KCNAB1: variants seen among roughly 807,000 people sequenced by gnomAD.
KCNAB1 encodes the protein voltage-gated potassium channel subunit beta-1.
In KCNAB1, 35 loss-of-function variants were observed where a neutral mutation model predicts 64.6. The ratio of observed to expected loss-of-function variants is 0.54; its 90% confidence interval spans 0.41 to 0.72. The LOEUF is 0.72. Ranked by LOEUF, KCNAB1 falls within the 30% of genes least tolerant of loss-of-function variation. The probability of loss-of-function intolerance (pLI) is 0.00; values close to 1 mark genes in which losing one functional copy is unlikely to be tolerated. For synonymous variants in KCNAB1, 177 were observed against 183.8 expected (o/e 0.96, Z 0.30); for missense variants, 401 against 512.9 (o/e 0.78, Z 2.11).
chr3:156,149,695 C>T (rs1486736157), intron 1 of KCNAB1, among the ~76,000 whole-genome samples: 1 of 152,164 alleles, frequency 6.6e-6, no homozygotes, highest in Non-Finnish European at 1.5e-5. Context: ...GCCATCCTCT[C>T]AAAGAGGCAT....
At chr3:156,255,563 C>T (rs527257525) in intron 1 of KCNAB1, among the ~76,000 whole-genome samples, 1 of 152,258 alleles carries the variant, frequency 6.6e-6, no homozygotes, top group South Asian at 2.1e-4. Flanking sequence ...TTACCACTCC[C>T]TCGGAATGCC....
chr3:156,469,731 G>A lies in KCNAB1; in HGVS notation c.571+4045G>A, dbSNP rs1381074878. Among the ~76,000 whole-genome samples the A allele has an allele frequency of 2.6e-5, 4 of 152,128 alleles. No individual in the cohort carries two copies. In the South Asian group the frequency reaches 6.2e-4, roughly 24 times the overall value. On this transcript the variant is annotated intron_variant, in intron 7 of 13. Transcript: ENST00000490337. ...TTGTTATTATGTTGGTGGTGGTGGT[G>A]TTATTTTACAGTCCATAGTTTCTGC...
chr3:156,528,064 C>T (rs1228796091), intron 12 of KCNAB1, among the ~76,000 whole-genome samples: 1 of 151,734 alleles, frequency 6.6e-6, no homozygotes, highest in African/African-American at 2.4e-5. Context: ...TTGGTGACCT[C>T]GAGTAGTCAG....
intron 1 of KCNAB1, among the ~76,000 whole-genome samples, chr3:156,292,725 TAGAAA>T (rs1720521123): frequency 6.6e-6 from 1 of 152,166 alleles, no homozygotes. Context: ...ATGTTTTTAA[TAGAAA>T]AGAGCTTTCA....
chr3:156,294,428 T>G (rs913649029), intron 1 of KCNAB1, among the ~76,000 whole-genome samples: 1 of 152,170 alleles, frequency 6.6e-6, no homozygotes, highest in Non-Finnish European at 1.5e-5. Flanking sequence ...CTGAGTGACC[T>G]TTATGAAGGA....
chr3:156,179,054 T>C (rs1167649298), intron 1 of KCNAB1, among the ~76,000 whole-genome samples: 2 of 151,166 alleles, frequency 1.3e-5, no homozygotes, highest in South Asian at 4.2e-4. Flanking sequence ...TAAGTAATTG[T>C]AATGAGCATG....
chr3:156,304,260 G>T (rs1322652483), intron 1 of KCNAB1, among the ~76,000 whole-genome samples: 1 of 152,136 alleles, frequency 6.6e-6, no homozygotes, highest in Non-Finnish European at 1.5e-5. Flanking sequence ...AACATTCTTT[G>T]CCAGTAAAAT....
intron 1 of KCNAB1, among the ~76,000 whole-genome samples, chr3:156,407,608 C>T (rs1714334340): frequency 6.6e-6 from 1 of 152,200 alleles, no homozygotes; most frequent in Non-Finnish European, 1.5e-5. Context: ...GTCCTTAGCT[C>T]CTTGCTCATA....
At chr3:156,296,011 T>A (rs933830516) in intron 1 of KCNAB1, among the ~76,000 whole-genome samples, 2 of 152,240 alleles carry the variant, frequency 1.3e-5, no homozygotes, top group African/African-American at 2.4e-5. Flanking sequence ...ATCATTTCAC[T>A]CTCAGAGTTT....
chr3:156,282,379 C>T (rs1330329488), intron 1 of KCNAB1, among the ~76,000 whole-genome samples: 2 of 138,958 alleles, frequency 1.4e-5, no homozygotes, highest in East Asian at 4.4e-4. Context: ...GAGAGCTTTA[C>T]TTCCAAGTAT....
chr3:156,345,185 G>A (rs1171492577), intron 1 of KCNAB1, among the ~76,000 whole-genome samples: 4 of 152,192 alleles, frequency 2.6e-5, no homozygotes, highest in East Asian at 3.8e-4. Flanking sequence ...TTGTTTTGGG[G>A]TGAAGGAAAT....
At chr3:156,357,159 G>GCACACACACACA (rs112441885) in intron 1 of KCNAB1, among the ~76,000 whole-genome samples, 2 of 147,314 alleles carry the variant, frequency 1.4e-5, no homozygotes, top group African/African-American at 5.0e-5. Flanking sequence ...ACATGTGCGC[G>GCACACACACACA]CACACACACA....
At position 156,164,079 on chromosome 3, in the gene KCNAB1, G is replaced by C. The variant is rs150113543; in HGVS notation, c.275+43193G>C. Among the ~76,000 whole-genome samples, 1,411 of 152,286 alleles carry C rather than the reference G, an allele frequency of 9.3e-3. 26 individuals are homozygous for C. Among genetic ancestry groups the C allele is most frequent in the African/African-American group, 0.032 (1,327 of 41,564 alleles). On this transcript the variant is annotated intron_variant, in intron 1 of 13. Transcript: ENST00000490337. ...TGTTTCTTAACCCACTGGCGACAGG[G>C]AGTGGTGCCTTTCAGAATCAATTAC...
At chr3:156,171,470 G>A (rs2108326542) in intron 1 of KCNAB1, among the ~76,000 whole-genome samples, 1 of 152,226 alleles carries the variant, frequency 6.6e-6, no homozygotes, top group East Asian at 1.9e-4. Context: ...TTTCCTTGAG[G>A]GAAATTGGGA....
At chr3:156,130,370 G>C (rs13091122) in intron 1 of KCNAB1, among the ~76,000 whole-genome samples, 8,518 of 152,272 alleles carry the variant, frequency 0.056, 348 homozygotes, top group Middle Eastern at 0.092. Context: ...TGGGTGAGCT[G>C]ACCAAAGTCT....
intron 2 of KCNAB1, among the ~76,000 whole-genome samples, chr3:156,438,023 C>A (rs944397049): frequency 6.6e-6 from 1 of 152,198 alleles, no homozygotes; most frequent in African/African-American, 2.4e-5. Flanking sequence ...CATACCTGTG[C>A]CTGGGCCTTT....
rs552174660 is a variant in KCNAB1 at position 156,318,340 on chromosome 3, AC to A, written c.276-103275del. Among the ~76,000 whole-genome samples the A allele has an allele frequency of 4.4e-4, 67 of 152,330 alleles. 1 individual carries two copies. In the South Asian group the frequency reaches 0.013, roughly 31 times the overall value. The stretch of plus-strand genomic sequence containing the variant: ...GTCTCTGAGGGGTCATCACAAACTC[AC>A]AGGCCCACAGGGTCCAGGCAGGCAG... On this transcript the variant is annotated intron_variant, in intron 1 of 13. Transcript: ENST00000490337.
intron 13 of KCNAB1, among the ~76,000 whole-genome samples, chr3:156,533,484 G>C (rs1319987767): frequency 6.6e-6 from 1 of 152,184 alleles, no homozygotes; most frequent in African/African-American, 2.4e-5. Context: ...CAGATGCACT[G>C]ACGTGGAGAG....
intron 1 of KCNAB1, among the ~76,000 whole-genome samples, chr3:156,284,132 C>T (rs1719926415): frequency 6.6e-6 from 1 of 152,102 alleles, no homozygotes; most frequent in Non-Finnish European, 1.5e-5. Flanking sequence ...TGGTGATGTA[C>T]AGATGGGTTT....
Sources: gnomAD v4.1 joint callset for allele counts (sites outside exome capture counted in the v4.1 genomes callset) on GRCh38, gnomAD v4.1.1 for gene constraint, MANE v1.5 for transcripts, NCBI Gene and HGNC (gene_info 2026-07-23, HGNC 2026-07-21) for gene names.